THSD1: variants seen among roughly 807,000 people sequenced by gnomAD.
The protein encoded by THSD1 is thrombospondin type 1 domain containing 1.
In THSD1, 34 loss-of-function variants were observed where a neutral mutation model predicts 46.3. The ratio of observed to expected loss-of-function variants is 0.74; its 90% confidence interval spans 0.56 to 0.98. The LOEUF (loss-of-function observed/expected upper bound fraction) is 0.98. Among genes scored for constraint, THSD1 ranks in the 50% least tolerant of loss-of-function variants. THSD1 has a pLI of 0.00. For synonymous variants in THSD1, 407 were observed against 416.5 expected (o/e 0.98, Z 0.28); for missense variants, 1,023 against 1,058.3 (o/e 0.97, Z 0.46).
At chr13:52,380,676 C>T (rs933950647) in intron 4 of THSD1, among the ~76,000 whole-genome samples, 3 of 152,040 alleles carry the variant, frequency 2.0e-5, no homozygotes, top group African/African-American at 4.8e-5. Flanking sequence ...CCTCGATCTC[C>T]TGACCTCGTG....
chr13:52,397,639 C>A lies in THSD1; in HGVS notation c.614G>T (p.Gly205Val), dbSNP rs1037354515. The A allele has an allele frequency of 6.2e-7, 1 of 1,614,148 alleles. No homozygotes were observed. Among genetic ancestry groups the A allele is most frequent in the Admixed American group, 1.7e-5 (1 of 60,018 alleles). ...ELAQGQWVEFGCAPLGPEAYV... is the reference protein window; with the variant it reads ...ELAQGQWVEFVCAPLGPEAYV... ...GGCTTCTGGCCCCAAGGGTGCACAG[C>A]CAAACTCAACCCACTGACCTTGAGC... Residue 205 changes from glycine (G) to valine (V), a missense_variant, in exon 3 of 5, where the codon GGC (glycine) becomes GTC (valine). Physicochemically the swap from Gly to Val is moderately radical, Grantham distance 109. Coordinates refer to ENST00000258613, the MANE Select transcript of THSD1 (RefSeq NM_018676.4).
At chr13:52,404,036 C>T (rs1157732986) in intron 1 of THSD1, among the ~76,000 whole-genome samples, 1 of 148,064 alleles carries the variant, frequency 6.8e-6, no homozygotes, top group Non-Finnish European at 1.5e-5. Context: ...CAACCTCCAC[C>T]TCCCAGGTTC....
chr13:52,393,851 T>G (rs997408838), intron 3 of THSD1, among the ~76,000 whole-genome samples: 18 of 152,196 alleles, frequency 1.2e-4, no homozygotes, highest in African/African-American at 1.7e-4. Context: ...ATAAATTTTA[T>G]ACTAAAAACA....
Position 52,378,211 on chromosome 13 carries a change from T to TCCGG in THSD1, c.1755_1758dup (p.Ile587ProfsTer73). On this transcript the variant is annotated frameshift_variant, in exon 5 of 5. Coordinates refer to ENST00000258613, the MANE Select transcript of THSD1 (RefSeq NM_018676.4). LOFTEE classifies it low-confidence loss of function (END_TRUNC). ...GGCTGCTCCGGAAATGGGGATTTGA[T>TCCGG]CCGGAACTTGTTTGCTGCAGCTTCT... 1 of 1,614,184 alleles carries TCCGG rather than the reference T, an allele frequency of 6.2e-7. No homozygotes were observed. Among genetic ancestry groups the TCCGG allele is most frequent in the Non-Finnish European group, 8.5e-7 (1 of 1,180,034 alleles).
Position 52,397,620 on chromosome 13 carries a change from T to C in THSD1, c.633A>G (p.Pro211=). The C allele has an allele frequency of 6.2e-7, 1 of 1,614,218 alleles. No homozygotes were observed. The highest frequency in any genetic ancestry group is 8.5e-7 in the Non-Finnish European group (1 of 1,180,036). ...WVEFGCAPLG[P]EAYVTVVLKL... Reference sequence around the variant, plus strand: ...TCAGCACCACGGTGACATAGGCTTCTGGCCCCAAGGGTGCACAGCCAAACT... The same window carrying C: ...TCAGCACCACGGTGACATAGGCTTCCGGCCCCAAGGGTGCACAGCCAAACT... Residue 211 remains proline, a synonymous_variant, in exon 3 of 5, where the codon CCA becomes CCG. Coordinates refer to ENST00000258613, the MANE Select transcript of THSD1 (RefSeq NM_018676.4).
intron 1 of THSD1, among the ~76,000 whole-genome samples, chr13:52,403,938 ATTTTTT>A (rs67802176): frequency 0.07 from 4,474 of 63,832 alleles, 107 homozygotes; most frequent in South Asian, 0.14. Flanking sequence ...CATTATTCAC[ATTTTTT>A]TTTTTTTTTT....
intron 2 of THSD1, among the ~76,000 whole-genome samples, chr13:52,402,046 C>T (rs1012537667): frequency 6.6e-6 from 1 of 152,186 alleles, no homozygotes; most frequent in Admixed American, 6.5e-5. Flanking sequence ...ATCATAACAA[C>T]CCTGTAAAGT....
chr13:52,377,941 G>T lies in THSD1; in HGVS notation c.2029C>A (p.Gln677Lys), dbSNP rs761297327. Residue 677 changes from glutamine (Q) to lysine (K), a missense_variant, in exon 5 of 5, where the codon CAG becomes AAG. Gln to Lys is a moderately conservative substitution (Grantham distance 53). Transcript: ENST00000258613. ...ERSMSTLTPR[Q>K]APAYSSRTRT... ...GTCCTAGAGCTGTAGGCAGGGGCCT[G>T]CCGTGGAGTCAGAGTGGACATGCTC... 1 of 1,614,204 alleles carries T rather than the reference G, an allele frequency of 6.2e-7. No individual in the cohort carries two copies. Among genetic ancestry groups the T allele is most frequent in the South Asian group, 1.1e-5 (1 of 91,084 alleles).
At chr13:52,383,252 G>C (rs1957706187) in intron 4 of THSD1, among the ~76,000 whole-genome samples, 1 of 152,182 alleles carries the variant, frequency 6.6e-6, no homozygotes, top group Admixed American at 6.5e-5. Context: ...TAGTTTAACT[G>C]ATTGATTCAT....
chr13:52,378,025 G>A lies in THSD1; in HGVS notation c.1945C>T (p.His649Tyr), dbSNP rs760205431. 1 of 1,614,150 alleles carries A rather than the reference G, an allele frequency of 6.2e-7. No individual in the cohort carries two copies. Among genetic ancestry groups the A allele is most frequent in the Non-Finnish European group, 8.5e-7 (1 of 1,180,046 alleles). The change falls in exon 5 of 5, where the codon CAT (histidine) becomes TAT (tyrosine). Residue 649 changes from histidine to tyrosine, a missense_variant. Transcript: ENST00000258613. ...TGGAAACTCGCTGTCCTCCTGAAAT[G>A]GGCGTTCCTGGCATGGCTCCTTTCG... ...PSERSHARNA[H>Y]FRRTASFHEA...
chr13:52,395,577 C>T (rs1236345698), intron 3 of THSD1, among the ~76,000 whole-genome samples: 1 of 152,140 alleles, frequency 6.6e-6, no homozygotes, highest in East Asian at 1.9e-4. Flanking sequence ...CCATCAGCAT[C>T]AAGGCTAATC....
In THSD1 at chr13:52,396,263, C is replaced by T. The variant is rs546728767; in HGVS notation, c.1021+969G>A. On this transcript the variant is annotated intron_variant, in intron 3 of 4. Transcript: ENST00000258613. ...AGCAGGCTGGGCGCAGTGGCTCATG[C>T]CTGTAATCCCAGCACTTTGGGAGGC... Among the ~76,000 whole-genome samples, 19 of 152,284 alleles carry T rather than the reference C, an allele frequency of 1.2e-4. No individual in the cohort carries two copies. In the South Asian group the frequency reaches 3.9e-3, roughly 32 times the overall value.
At chr13:52,389,561 T>C (rs985072991) in intron 3 of THSD1, among the ~76,000 whole-genome samples, 1 of 152,000 alleles carries the variant, frequency 6.6e-6, no homozygotes, top group African/African-American at 2.4e-5. Context: ...ACGGAAGATA[T>C]GCCTTATGAA....
chr13:52,377,842 CCA>C lies in THSD1; in HGVS notation c.2126_2127del (p.Leu709ArgfsTer18), dbSNP rs771270591. On this transcript the variant is annotated frameshift_variant, in exon 5 of 5. Coordinates refer to ENST00000258613, the MANE Select transcript of THSD1 (RefSeq NM_018676.4). LOFTEE classifies it high-confidence loss of function. ...GTTCCACTTGCCTCTTGGAAATGCT[CCA>C]GTTTTTCAGGAAACAGGTGGGCACC... ...SRGAHLFPEK[L>X]EHFQEASGTR... is the part of the protein sequence containing the mutation. 2.0e-5 allele frequency: 32 copies of C among 1,614,046 alleles called. No individual in the cohort carries two copies. The African/African-American group carries it at 2.0e-4, about 10-fold the overall frequency.
In THSD1 at chr13:52,393,091, T is replaced by TCC. The variant is rs547368627; in HGVS notation, c.1021+4139_1021+4140dup. Among the ~76,000 whole-genome samples the TCC allele has an allele frequency of 5.5e-4, 83 of 152,194 alleles. 2 individuals are homozygous for TCC. The South Asian group carries it at 0.016, about 29-fold the overall frequency. On this transcript the variant is annotated intron_variant, in intron 3 of 4. Transcript: ENST00000258613. ...TTACAGAATAGTGGTCAAATTAAAC[T>TCC]CCCAAGCTAGTCTACCTGGATTTGT...
At chr13:52,398,331 C>T (rs1000653961) in intron 2 of THSD1, 137 bp from the exon 3 acceptor site, 61 of 1,352,408 alleles carry the variant, frequency 4.5e-5, no homozygotes, top group African/African-American at 2.3e-4. Context: ...AGTGCAGTGG[C>T]GCAATCACTG....
At chr13:52,383,017 T>C (rs910774231) in intron 4 of THSD1, among the ~76,000 whole-genome samples, 7 of 151,662 alleles carry the variant, frequency 4.6e-5, no homozygotes, top group African/African-American at 1.7e-4. Context: ...AAAAAAAGTA[T>C]CACTTCCTCC....
chr13:52,381,514 A>G (rs1566961241), intron 4 of THSD1, among the ~76,000 whole-genome samples: 1 of 152,202 alleles, frequency 6.6e-6, no homozygotes, highest in South Asian at 2.1e-4. Context: ...CACACAAAAT[A>G]GAAGCCATCA....
Position 52,387,882 on chromosome 13 carries a change from G to A in THSD1, c.1022-1696C>T, listed in dbSNP as rs142471692. Reference sequence around the variant, plus strand: ...TGGAATACCAGGAGAAGAAGATAGAGTAGGACACAATAAATAAGTCCAAGA... The same window carrying A: ...TGGAATACCAGGAGAAGAAGATAGAATAGGACACAATAAATAAGTCCAAGA... On this transcript the variant is annotated intron_variant, in intron 3 of 4. Transcript: ENST00000258613. 2.0e-4 allele frequency among the ~76,000 whole-genome samples: 31 copies of A among 152,250 alleles called. 1 individual carries two copies. The highest frequency in any genetic ancestry group is 4.6e-4 in the African/African-American group (19 of 41,540).
Sources: allele counts gnomAD v4.1 joint callset (sites outside exome capture counted in the v4.1 genomes callset), GRCh38; gene constraint gnomAD v4.1.1; transcripts MANE v1.5; gene names NCBI Gene and HGNC (gene_info 2026-07-23, HGNC 2026-07-21).